The following XKR6 variants were observed in gnomAD, a reference collection of about 807,000 sequenced individuals.
XKR6 encodes XK related 6.
A neutral mutation model predicts 56.7 loss-of-function variants in XKR6; 22 were observed. The observed-to-expected ratio is 0.39, with a 90% CI of 0.28 to 0.55. The LOEUF (loss-of-function observed/expected upper bound fraction) is 0.55. Among genes scored for constraint, XKR6 ranks in the 20% least tolerant of loss-of-function variants. XKR6 has a pLI of 0.66. For missense variants in XKR6, 852 were observed against 889.0 expected (o/e 0.96, Z 0.53); for synonymous variants, 524 against 387.8 (o/e 1.35, Z -4.13).
At chr8:10,982,961 A>T (rs1338362434) in intron 1 of XKR6, among the ~76,000 whole-genome samples, 1 of 152,182 alleles carries the variant, frequency 6.6e-6, no homozygotes, top group Non-Finnish European at 1.5e-5. Context: ...AAGCCATTTA[A>T]CTTCTCTAAG....
chr8:11,142,800 A>G (rs1467977413), intron 1 of XKR6, among the ~76,000 whole-genome samples: 1 of 152,200 alleles, frequency 6.6e-6, no homozygotes, highest in African/African-American at 2.4e-5. Flanking sequence ...GCAACACAAG[A>G]ACAGCCTAAT....
chr8:11,134,436 G>C (rs1300973054), intron 1 of XKR6, among the ~76,000 whole-genome samples: 3 of 152,142 alleles, frequency 2.0e-5, no homozygotes, highest in Admixed American at 6.5e-5. Flanking sequence ...GGACAACTTG[G>C]CATTGACTAC....
At chr8:11,119,184 T>C (rs1204039940) in intron 1 of XKR6, among the ~76,000 whole-genome samples, 15 of 152,228 alleles carry the variant, frequency 9.9e-5, no homozygotes, top group Admixed American at 5.9e-4. Context: ...CAGTTTGTTA[T>C]AATTTCTGTT....
chr8:11,142,512 T>C (rs536817992), intron 1 of XKR6, among the ~76,000 whole-genome samples: 1 of 152,290 alleles, frequency 6.6e-6, no homozygotes, highest in African/African-American at 2.4e-5. Flanking sequence ...AGATCCCTCA[T>C]GAATGGCTTA....
intron 1 of XKR6, among the ~76,000 whole-genome samples, chr8:10,989,425 A>G (rs1373573268): frequency 4.6e-5 from 7 of 152,182 alleles, no homozygotes; most frequent in Non-Finnish European, 8.8e-5. Context: ...ACCATATGAG[A>G]CCCGAGATGA....
At chr8:11,007,291 A>G (rs1798392122) in intron 1 of XKR6, among the ~76,000 whole-genome samples, 1 of 152,176 alleles carries the variant, frequency 6.6e-6, no homozygotes, top group Non-Finnish European at 1.5e-5. Flanking sequence ...TGATAGTTAA[A>G]TGCCTTTGTT....
At chr8:11,157,485 G>GGTAT (rs112971008) in intron 1 of XKR6, among the ~76,000 whole-genome samples, 11,428 of 148,974 alleles carry the variant, frequency 0.077, 779 homozygotes, top group East Asian at 0.29. Flanking sequence ...TAAAATAAAA[G>GGTAT]GTATGTATGT....
At chr8:10,995,065 C>A (rs1368730655) in intron 1 of XKR6, among the ~76,000 whole-genome samples, 1 of 152,216 alleles carries the variant, frequency 6.6e-6, no homozygotes, top group Non-Finnish European at 1.5e-5. Flanking sequence ...GAAGGCCCTG[C>A]AGCTAGCGAG....
intron 1 of XKR6, among the ~76,000 whole-genome samples, chr8:10,989,629 C>A (rs1797942824): frequency 1.3e-5 from 2 of 152,176 alleles, no homozygotes; most frequent in African/African-American, 4.8e-5. Flanking sequence ...CTTTTAATTT[C>A]AGATATATCA....
chr8:11,149,303 G>T (rs1456766410), intron 1 of XKR6, among the ~76,000 whole-genome samples: 1 of 152,170 alleles, frequency 6.6e-6, no homozygotes, highest in Non-Finnish European at 1.5e-5. Context: ...CTACCATAGT[G>T]AATGCTGTAG....
chr8:11,094,304 G>A (rs1384103058), intron 1 of XKR6, among the ~76,000 whole-genome samples: 3 of 152,086 alleles, frequency 2.0e-5, no homozygotes, highest in African/African-American at 7.2e-5. Context: ...TTCTCCTGCT[G>A]CAGCCTCCTG....
intron 1 of XKR6, among the ~76,000 whole-genome samples, chr8:11,100,293 A>C (rs1164913173): frequency 1.3e-5 from 2 of 152,084 alleles, no homozygotes; most frequent in Admixed American, 6.6e-5. Flanking sequence ...GGGCTCAAGC[A>C]ATCTACCCAC....
intron 1 of XKR6, among the ~76,000 whole-genome samples, chr8:10,981,019 T>C (rs937961873): frequency 6.6e-6 from 1 of 152,168 alleles, no homozygotes; most frequent in African/African-American, 2.4e-5. Flanking sequence ...TTTCGTGTGT[T>C]TGAAGGGTCA....
chr8:10,912,407 AAG>A (rs1332160014), intron 2 of XKR6, among the ~76,000 whole-genome samples: 2 of 122,392 alleles, frequency 1.6e-5, no homozygotes, highest in Admixed American at 8.7e-5. Context: ...TATATATATA[AAG>A]AGAGTGAGCA....
At chr8:10,998,748 C>T (rs1374534257) in intron 1 of XKR6, among the ~76,000 whole-genome samples, 1 of 152,176 alleles carries the variant, frequency 6.6e-6, no homozygotes, top group African/African-American at 2.4e-5. Flanking sequence ...AGAGAAGCAC[C>T]CCTACCCCTG....
intron 1 of XKR6, among the ~76,000 whole-genome samples, chr8:11,117,175 T>C (rs148074105): frequency 6.6e-6 from 1 of 152,354 alleles, no homozygotes; most frequent in East Asian, 1.9e-4. Context: ...TTAGACTGAA[T>C]CTTTTTTGCA....
chr8:10,983,513 T>A (rs1266969539), intron 1 of XKR6, among the ~76,000 whole-genome samples: 2 of 151,964 alleles, frequency 1.3e-5, no homozygotes, highest in Admixed American at 6.6e-5. Context: ...CAGAAAAAAA[T>A]AGTCATCACA....
At chr8:10,927,072 G>A (rs944651830) in intron 1 of XKR6, among the ~76,000 whole-genome samples, 2 of 152,212 alleles carry the variant, frequency 1.3e-5, no homozygotes, top group African/African-American at 2.4e-5. Flanking sequence ...TGGAAGAGAT[G>A]ATGGCAGCAA....
At position 11,161,296 on chromosome 8, in the gene XKR6, TA is replaced by T. The variant is rs371187872; in HGVS notation, c.764+39279del. ...TTGCCACCACCAGTACCTACCTTGGTAAGTCTTCTACTCCTTCAAGTGCCTA... is the reference window on the plus strand; with the variant it reads ...TTGCCACCACCAGTACCTACCTTGGTAGTCTTCTACTCCTTCAAGTGCCTA... On this transcript the variant is annotated intron_variant, in intron 1 of 2. Coordinates refer to ENST00000416569, the MANE Select transcript of XKR6 (RefSeq NM_173683.4). Among the ~76,000 whole-genome samples, 11 of 152,314 alleles carry T rather than the reference TA, an allele frequency of 7.2e-5. No homozygotes were observed. In the East Asian group the frequency reaches 2.1e-3, roughly 29 times the overall value.
Sources: allele counts gnomAD v4.1 joint callset (sites outside exome capture counted in the v4.1 genomes callset), GRCh38; gene constraint gnomAD v4.1.1; transcripts MANE v1.5; gene names NCBI Gene and HGNC (gene_info 2026-07-23, HGNC 2026-07-21).